TMEM9: variants seen among roughly 807,000 people sequenced by gnomAD.
TMEM9 encodes the protein proton-transporting V-type ATPase complex assembly regulator TMEM9.
TMEM9 carries 13 observed loss-of-function variants against 22.8 expected under a neutral mutation model. The observed-to-expected ratio is 0.57, with a 90% confidence interval of 0.37 to 0.91. TMEM9 has a LOEUF of 0.91. Ranked by LOEUF, TMEM9 falls within the 40% of genes least tolerant of loss-of-function variation. The pLI, the probability that TMEM9 is intolerant of heterozygous loss-of-function variation, is 0.01. For missense variants in TMEM9, 182 were observed against 238.1 expected, an observed-to-expected ratio of 0.76 and a Z score of 1.55; for synonymous variants, 88 against 93.0, an observed-to-expected ratio of 0.95 and a Z score of 0.31.
chr1:201,143,943 AATG>A lies in TMEM9; in HGVS notation c.273_275del (p.Ile92del). The A allele has an allele frequency of 6.2e-7, 1 of 1,614,118 alleles. No individual in the cohort carries two copies. Among genetic ancestry groups the A allele is most frequent in the East Asian group, 2.2e-5 (1 of 44,872 alleles). On this transcript the variant is annotated inframe_deletion, in exon 4 of 5. Coordinates refer to ENST00000367330, the MANE Select transcript of TMEM9 (RefSeq NM_001288565.2). Reference sequence around the variant, plus strand: ...CACCCACCACGGACAGGTAGATGACAATGATGACCTGAGGAAGAGACCGGCGTG... The same window carrying A: ...CACCCACCACGGACAGGTAGATGACAATGACCTGAGGAAGAGACCGGCGTG...
At position 201,135,793 on chromosome 1, in the gene TMEM9, G is replaced by A. The variant is rs891856701; in HGVS notation, c.422C>T (p.Ala141Val). 1.2e-5 allele frequency: 19 copies of A among 1,610,128 alleles called. No homozygotes were observed. In the African/African-American group the frequency reaches 2.5e-4, roughly 22 times the overall value. Residue 141 changes from alanine to valine, a missense_variant, in exon 5 of 5, where the codon GCT (alanine) becomes GTT (valine). By Grantham distance (64) the Ala-to-Val change is moderately conservative. Transcript: ENST00000367330. The stretch of plus-strand genomic sequence containing the variant: ...TCGGGGTCCCCCGAGGGATGCAGCA[G>A]CTGCTGCCATAGAGCGAGCATCCTG... ...ENEDARSMAA[A>V]AASLGGPRAN...
In TMEM9 at chr1:201,171,008, A is replaced by C. The variant is rs376347504; in HGVS notation, c.-37+482T>G. Among the ~76,000 whole-genome samples the C allele has an allele frequency of 1.0e-4, 16 of 152,384 alleles. 1 individual carries two copies. The highest frequency in any genetic ancestry group is 3.6e-4 in the African/African-American group (15 of 41,606). On this transcript the variant is annotated intron_variant, in intron 1 of 5. Transcript: ENST00000367333. ...ACCTGAGTAAGATTGAGATTCTCTC[A>C]CCAGGCGACAAGGCTTGTTGTGCCC... is the stretch of plus-strand genomic sequence containing the variant.
At position 201,141,200 on chromosome 1, in the gene TMEM9, C is replaced by T. The variant is rs537198729; in HGVS notation, c.399+2620G>A. On this transcript the variant is annotated intron_variant, in intron 4 of 4. Coordinates refer to ENST00000367330, the MANE Select transcript of TMEM9 (RefSeq NM_001288565.2). ...GCACCTGACTTTTCAGCTGACCACC[C>T]GTCTTACGAAGCCAGATCTTACTGC... Among the ~76,000 whole-genome samples the T allele has an allele frequency of 4.6e-5, 7 of 152,314 alleles. No homozygotes were observed. In the South Asian group the frequency reaches 6.2e-4, roughly 14 times the overall value.
chr1:201,152,296 A>G (rs1464771653), intron 1 of TMEM9, among the ~76,000 whole-genome samples: 1 of 152,244 alleles, frequency 6.6e-6, no homozygotes, highest in African/African-American at 2.4e-5. Context: ...TTGGGGAAAC[A>G]TAAAGGGCGA....
rs1664711222 is a variant in TMEM9, at chr1:201,143,580, G to A, written c.399+240C>T. The stretch of plus-strand genomic sequence containing the variant: ...CTCTGCCTGGAAGCACAGTACAGCA[G>A]GATGACATGGCTCCCCCGGCTTGTA... On this transcript the variant is annotated intron_variant, in intron 4 of 4. Transcript: ENST00000367330. 2.0e-5 allele frequency among the ~76,000 whole-genome samples: 3 copies of A among 152,252 alleles called. No individual in the cohort carries two copies. The South Asian group carries it at 6.2e-4, about 32-fold the overall frequency.
At chr1:201,160,415 C>A (rs1359673621) in intron 1 of TMEM9, among the ~76,000 whole-genome samples, 1 of 151,646 alleles carries the variant, frequency 6.6e-6, no homozygotes, top group African/African-American at 2.4e-5. Context: ...TATGGAGAAA[C>A]CCTGTCTCTA....
At chr1:201,151,220 A>G (rs1220052624) in intron 2 of TMEM9, among the ~76,000 whole-genome samples, 2 of 152,162 alleles carry the variant, frequency 1.3e-5, no homozygotes, top group African/African-American at 4.8e-5. Context: ...CCTTCACCGC[A>G]CTAGTCTCCT....
At chr1:201,139,607 A>C (rs970070421) in intron 4 of TMEM9, among the ~76,000 whole-genome samples, 1 of 151,696 alleles carries the variant, frequency 6.6e-6, no homozygotes, top group Non-Finnish European at 1.5e-5. Flanking sequence ...CTCTGGCCAC[A>C]CTGGTCCATG....
rs868687641 is a variant in TMEM9 at position 201,160,485 on chromosome 1, A to G, written c.-36-6526T>C. The stretch of plus-strand genomic sequence containing the variant: ...ATGCCTGTAATCCCAGGTACTCAGG[A>G]GGCTGAGGCAAGAGAATCGCTTGAA... On this transcript the variant is annotated intron_variant, in intron 1 of 5. Coordinates refer to the TMEM9 transcript ENST00000367333. Among the ~76,000 whole-genome samples, 6 of 152,160 alleles carry G rather than the reference A, an allele frequency of 3.9e-5. No individual in the cohort carries two copies. The South Asian group carries it at 6.2e-4, about 16-fold the overall frequency.
At chr1:201,163,580 A>AT (rs760624581) in intron 1 of TMEM9, among the ~76,000 whole-genome samples, 1 of 152,190 alleles carries the variant, frequency 6.6e-6, no homozygotes, top group Non-Finnish European at 1.5e-5. Context: ...ACGGAGTGAG[A>AT]TTACGTCTCA....
At chr1:201,143,002 T>C (rs769904083) in intron 4 of TMEM9, among the ~76,000 whole-genome samples, 19 of 152,320 alleles carry the variant, frequency 1.2e-4, no homozygotes, top group Middle Eastern at 6.8e-3. Context: ...TCCCCCCGGG[T>C]TTCCTCGCCA....
At chr1:201,162,675 G>A (rs1665974704) in intron 1 of TMEM9, among the ~76,000 whole-genome samples, 1 of 151,904 alleles carries the variant, frequency 6.6e-6, no homozygotes, top group Non-Finnish European at 1.5e-5. Flanking sequence ...TGGAATCTAG[G>A]GCTAGGCAAA....
chr1:201,168,135 A>G (rs1666121031), intron 1 of TMEM9, among the ~76,000 whole-genome samples: 1 of 152,218 alleles, frequency 6.6e-6, no homozygotes, highest in Admixed American at 6.5e-5. Context: ...CATTGTATGA[A>G]TATACCACGA....
upstream of TMEM9, among the ~76,000 whole-genome samples, chr1:201,154,955 T>C (rs910299550): frequency 6.6e-6 from 1 of 152,226 alleles, no homozygotes; most frequent in Admixed American, 6.5e-5. Flanking sequence ...CGATGGGTGG[T>C]GTGGGCTGGG....
At chr1:201,147,783 G>A (rs6664624) in intron 2 of TMEM9, among the ~76,000 whole-genome samples, 49,213 of 151,858 alleles carry the variant, frequency 0.32, 8,616 homozygotes, top group Admixed American at 0.38. Context: ...CTCTTGCTAC[G>A]CCTCCCTCAC....
intron 2 of TMEM9, among the ~76,000 whole-genome samples, chr1:201,147,688 G>T (rs911785222): frequency 6.6e-6 from 1 of 152,142 alleles, no homozygotes; most frequent in East Asian, 1.9e-4. Flanking sequence ...GCTTAGGCCC[G>T]GTCAGTGCCT....
intron 4 of TMEM9, among the ~76,000 whole-genome samples, chr1:201,142,106 C>T (rs1411300661): frequency 4.6e-5 from 7 of 152,356 alleles, no homozygotes; most frequent in African/African-American, 1.7e-4. Flanking sequence ...GACCACCCAA[C>T]TGCCAGTGCC....
At chr1:201,162,052 C>T (rs12095109) in intron 1 of TMEM9, among the ~76,000 whole-genome samples, 1 of 152,186 alleles carries the variant, frequency 6.6e-6, no homozygotes. Context: ...TATTGAGCAT[C>T]TACTACATGC....
chr1:201,142,536 A>T (rs185764367), intron 4 of TMEM9, among the ~76,000 whole-genome samples: 56 of 152,354 alleles, frequency 3.7e-4, no homozygotes, highest in Admixed American at 1.1e-3. Context: ...GAAGGCAGCT[A>T]TCATGCGTCT....
Sources: allele counts gnomAD v4.1 joint callset (sites outside exome capture counted in the v4.1 genomes callset), GRCh38; gene constraint gnomAD v4.1.1; transcripts MANE v1.5; gene names NCBI Gene and HGNC (gene_info 2026-07-23, HGNC 2026-07-21).